Variants in GPRIN1 observed in about 807,000 individuals in gnomAD.
GPRIN1 encodes the protein G protein regulated inducer of neurite outgrowth 1, also known as G protein-regulated inducer of neurite outgrowth 1.
GPRIN1 carries 4 observed loss-of-function variants against 2.8 expected under a neutral mutation model. The observed-to-expected ratio is 1.45, with a 90% CI of 0.71 to 3.32. The LOEUF (loss-of-function observed/expected upper bound fraction) is 3.32, where lower values mean the gene tolerates loss of function less well. GPRIN1 is among the 30% of genes most tolerant of loss of function. GPRIN1 has a pLI of 0.01. For missense variants in GPRIN1, 1,322 were observed against 1,343.4 expected, an observed-to-expected ratio of 0.98 and a Z score of 0.25; for synonymous variants, 589 against 589.9, an observed-to-expected ratio of 1.00 and a Z score of 0.02.
In GPRIN1 at chr5:176,597,402, G is replaced by A. The variant is rs1268315643; in HGVS notation, c.2433C>T (p.Asp811=). ...CCTGCGCGCCCGCCTGAGTGCCCGC[G>A]TCCTCGCGCGGCGGCGGCGGGGCGC... is the stretch of plus-strand genomic sequence containing the variant. The part of the protein sequence containing the change: ...EASAPPPPRE[D]AGTQAGAQAC... The change falls in exon 2 of 2, where the codon GAC becomes GAT. Residue 811 remains aspartate, a synonymous_variant. Coordinates refer to ENST00000303991, the MANE Select transcript of GPRIN1 (RefSeq NM_052899.3). The surrounding 1 kb of genome is among the most constrained non-coding windows in gnomAD (Gnocchi z 6.1). The A allele has an allele frequency of 2.3e-6, 3 of 1,290,538 alleles. No individual in the cohort carries two copies. Among genetic ancestry groups the A allele is most frequent in the Non-Finnish European group, 2.0e-6 (2 of 1,023,716 alleles). The allele number at this position is 1,290,538 out of a possible 1,614,324, so 79.9% of individuals were successfully genotyped here. A position where few individuals can be genotyped will look rare whatever the true frequency, so the allele number is the denominator to read the frequency against.
At chr5:176,608,968 C>A (rs138550834) in intron 1 of GPRIN1, among the ~76,000 whole-genome samples, 1,556 of 152,300 alleles carry the variant, frequency 0.01, 6 homozygotes, top group South Asian at 0.018. Context: ...CTCAGAGCAG[C>A]GAAGTCTCCT....
intron 1 of GPRIN1, among the ~76,000 whole-genome samples, chr5:176,600,547 G>A (rs1759129957): frequency 6.6e-6 from 1 of 152,240 alleles, no homozygotes; most frequent in South Asian, 2.1e-4. Flanking sequence ...GGTAATTTAA[G>A]TGAGGGAAGT....
rs1372335764 is a variant in GPRIN1, at chr5:176,598,280, C to T, written c.1555G>A (p.Gly519Arg). The T allele has an allele frequency of 1.9e-5, 30 of 1,613,580 alleles. No individual in the cohort carries two copies. Among genetic ancestry groups the T allele is most frequent in the Non-Finnish European group, 2.4e-5 (28 of 1,179,918 alleles). Residue 519 changes from glycine to arginine, a missense_variant, in exon 2 of 2, where the codon GGA (glycine) becomes AGA (arginine). By Grantham distance (125) the Gly-to-Arg change is moderately radical. Coordinates refer to ENST00000303991, the MANE Select transcript of GPRIN1 (RefSeq NM_052899.3). ...VKAEPATGGKGDPLSSEKAGL... is the reference protein window; with the variant it reads ...VKAEPATGGKRDPLSSEKAGL... ...GCCTTCTCCGAGGACAGGGGATCTCCTTTTCCCCCCGTCGCTGGCTCAGCC... is the reference window on the plus strand; with the variant it reads ...GCCTTCTCCGAGGACAGGGGATCTCTTTTTCCCCCCGTCGCTGGCTCAGCC...
At position 176,599,175 on chromosome 5, in the gene GPRIN1, C is replaced by T. The variant is rs745956577; in HGVS notation, c.660G>A (p.Leu220=). The change falls in exon 2 of 2, where the codon TTG becomes TTA. Residue 220 remains leucine, a synonymous_variant. Transcript: ENST00000303991. Reference sequence around the variant, plus strand: ...ACACTGTATACGTCTTGCTGGAGCACAAAGGATCTACTTTTCCCAGGGATC... The same window carrying T: ...ACACTGTATACGTCTTGCTGGAGCATAAAGGATCTACTTTTCCCAGGGATC... The part of the protein sequence containing the change: ...DLGSLGKVDP[L]CSSKTYTVSP... The T allele has an allele frequency of 3.7e-6, 6 of 1,613,854 alleles. No homozygotes were observed. In the Admixed American group the frequency reaches 6.7e-5, roughly 18 times the overall value.
At position 176,596,994 on chromosome 5, in the gene GPRIN1, C is replaced by A; in HGVS notation, c.2841G>T (p.Glu947Asp). 7.0e-7 allele frequency: 1 copy of A among 1,421,778 alleles called. No individual in the cohort carries two copies. Among genetic ancestry groups the A allele is most frequent in the Non-Finnish European group, 9.3e-7 (1 of 1,080,736 alleles). The allele number at this position is 1,421,778 out of a possible 1,614,324, so 88.1% of individuals were successfully genotyped here. Residue 947 changes from glutamate (E) to aspartate (D), a missense_variant, in exon 2 of 2, where the codon GAG becomes GAT. Glu to Asp is a conservative substitution (Grantham distance 45). Coordinates refer to ENST00000303991, the MANE Select transcript of GPRIN1 (RefSeq NM_052899.3). This position sits in a 1 kb window ranked among gnomAD's most constrained non-coding sequence, Gnocchi z 5.2. Reference sequence around the variant, plus strand: ...CGGGCGCCCCTTGGCGGCCGTGCTCCTCGATCTGTCGCTCCAGATGCTTCT... The same window carrying A: ...CGGGCGCCCCTTGGCGGCCGTGCTCATCGATCTGTCGCTCCAGATGCTTCT... ...AIQKHLERQIEEHGRQGAPAP... is the reference protein window; with the variant it reads ...AIQKHLERQIDEHGRQGAPAP...
Position 176,602,274 on chromosome 5 carries a change from GCT to G in GPRIN1, c.-43-2399_-43-2398del, listed in dbSNP as rs1759159305. 6.6e-6 allele frequency among the ~76,000 whole-genome samples: 1 copy of G among 152,158 alleles called. No homozygotes were observed. The highest frequency in any genetic ancestry group is 1.5e-5 in the Non-Finnish European group (1 of 68,034). Reference sequence around the variant, plus strand: ...GCAATGTAAAACAGCCTCCTCCCCAGCTCTGGCTGGCATTCTCCACCCTCTTA... The same window carrying G: ...GCAATGTAAAACAGCCTCCTCCCCAGCTGGCTGGCATTCTCCACCCTCTTA... On this transcript the variant is annotated intron_variant, in intron 1 of 1. Transcript: ENST00000303991. The surrounding 1 kb of genome is among the most constrained non-coding windows in gnomAD (Gnocchi z 4.4).
rs543856128 is a variant in GPRIN1 at position 176,608,839 on chromosome 5, C to T, written c.-44+1160G>A. 1.1e-4 allele frequency among the ~76,000 whole-genome samples: 17 copies of T among 152,350 alleles called. No homozygotes were observed. The South Asian group carries it at 3.3e-3, about 30-fold the overall frequency. ...TAAACAGGGCCAGAACTGCCAAGCA[C>T]CTGCAAATACCTCTTCTGTGCTGAC... On this transcript the variant is annotated intron_variant, in intron 1 of 1. Transcript: ENST00000303991.
intron 1 of GPRIN1, among the ~76,000 whole-genome samples, chr5:176,600,086 A>G (rs1226342985): frequency 6.6e-6 from 1 of 152,074 alleles, no homozygotes; most frequent in Non-Finnish European, 1.5e-5. Flanking sequence ...AAGGCATTCA[A>G]CGCCCTTCAC....
rs745720208 is a variant in GPRIN1, at chr5:176,599,423, C to T, written c.412G>A (p.Glu138Lys). 6 of 1,614,246 alleles carry T rather than the reference C, an allele frequency of 3.7e-6. No homozygotes were observed. In the South Asian group the frequency reaches 5.5e-5, roughly 15 times the overall value. ...TTTCTGTCATCTGAGGATTTGGGCT[C>T]AGTTTTCACGGAGGACACAGGCTCT... ...KPEPVSSVKT[E>K]PKSSDDRNPM... is the part of the protein sequence containing the mutation. The change falls in exon 2 of 2, where the codon GAG (glutamate) becomes AAG (lysine). Residue 138 changes from glutamate (E) to lysine (K), a missense_variant. Glu to Lys is a moderately conservative substitution (Grantham distance 56). This residue lies in a region of GPRIN1 where 1,117 missense variants were observed against 1,128.6 expected (regional missense o/e 0.99). Transcript: ENST00000303991.
At chr5:176,606,178 C>T (rs1759217918) in intron 1 of GPRIN1, among the ~76,000 whole-genome samples, 1 of 152,156 alleles carries the variant, frequency 6.6e-6, no homozygotes, top group African/African-American at 2.4e-5. Flanking sequence ...CCACCTCCTG[C>T]TCCCCCAGGG....
Position 176,597,786 on chromosome 5 carries a change from TGAGGCAAGGG to T in GPRIN1, c.2039_2048del (p.Pro680GlnfsTer31). On this transcript the variant is annotated frameshift_variant, in exon 2 of 2. Transcript: ENST00000303991. LOFTEE classifies it low-confidence loss of function (END_TRUNC). The surrounding 1 kb of genome is among the most constrained non-coding windows in gnomAD (Gnocchi z 6.1). ...CCAGGGACACAGGCTCTCCCTTCCC[TGAGGCAAGGG>T]GCTCTGCTTTTCTGCAGGATCCAGG... The T allele has an allele frequency of 6.2e-7, 1 of 1,604,390 alleles. No individual in the cohort carries two copies. Among genetic ancestry groups the T allele is most frequent in the South Asian group, 1.1e-5 (1 of 90,224 alleles).
intron 1 of GPRIN1, among the ~76,000 whole-genome samples, chr5:176,601,560 A>T (rs922507234): frequency 6.6e-6 from 1 of 152,098 alleles, no homozygotes; most frequent in Admixed American, 6.5e-5. Flanking sequence ...GAGATGTAGG[A>T]AAGAGGGAGA....
chr5:176,599,504 C>T lies in GPRIN1; in HGVS notation c.331G>A (p.Glu111Lys), dbSNP rs1759113826. 9.3e-6 allele frequency: 15 copies of T among 1,610,338 alleles called. No individual in the cohort carries two copies. The highest frequency in any genetic ancestry group is 1.2e-5 in the Non-Finnish European group (14 of 1,177,728). Reference sequence around the variant, plus strand: ...CCTGAGATGGAGGCTCCATGTGCCTCCAATGTCTCCTTGGAGGGTGACTCC... The same window carrying T: ...CCTGAGATGGAGGCTCCATGTGCCTTCAATGTCTCCTTGGAGGGTGACTCC... Reference protein sequence around the residue: ...PQESPSKETLEAHGASISGTP... With the variant: ...PQESPSKETLKAHGASISGTP... The change falls in exon 2 of 2, where the codon GAG (glutamate) becomes AAG (lysine). Residue 111 changes from glutamate (E) to lysine (K), a missense_variant. By Grantham distance (56) the Glu-to-Lys change is moderately conservative. Around this residue, in one of 3 missense-constraint regions of GPRIN1, gnomAD observed 1,117 missense variants for 1,128.6 expected, o/e 0.99. Coordinates refer to ENST00000303991, the MANE Select transcript of GPRIN1 (RefSeq NM_052899.3).
rs574379935 is a variant in GPRIN1 at position 176,598,583 on chromosome 5, G to A, written c.1252C>T (p.Pro418Ser). ...GGGTCCATCTTTCCCAGAGAAACTG[G>A]ATCCACCTTGCCTGAAGACATGGGA... is the stretch of plus-strand genomic sequence containing the variant. Reference protein sequence around the residue: ...VDPMSSGKVDPVSLGKMDPMC... With the variant: ...VDPMSSGKVDSVSLGKMDPMC... The change falls in exon 2 of 2, where the codon CCA becomes TCA. Residue 418 changes from proline (P) to serine (S), a missense_variant. Physicochemically the swap from Pro to Ser is moderately conservative, Grantham distance 74. Transcript: ENST00000303991. 129 of 1,614,002 alleles carry A rather than the reference G, an allele frequency of 8.0e-5. No homozygotes were observed. The highest frequency in any genetic ancestry group is 1.1e-4 in the Non-Finnish European group (126 of 1,180,040).
At position 176,597,462 on chromosome 5, in the gene GPRIN1, G is replaced by A. The variant is rs1432803140; in HGVS notation, c.2373C>T (p.Arg791=). 7.6e-7 allele frequency: 1 copy of A among 1,321,126 alleles called. No individual in the cohort carries two copies. Among genetic ancestry groups the A allele is most frequent in the East Asian group, 3.1e-5 (1 of 32,392 alleles). 81.8% of individuals were successfully genotyped at this position (1,321,126 alleles called of 1,614,324 possible). The change falls in exon 2 of 2, where the codon CGC becomes CGT. Residue 791 remains arginine (R), a synonymous_variant. Transcript: ENST00000303991. This position sits in a 1 kb window ranked among gnomAD's most constrained non-coding sequence, Gnocchi z 6.1. ...AAAPPPGPRT[R]DNFTKAPSWE... is the part of the protein sequence containing the mutation. ...ACGACGGCGCCTTGGTGAAGTTGTC[G>A]CGAGTCCGCGGCCCCGGCGGGGGCG...
At chr5:176,607,704 A>G (rs1185340963) in intron 1 of GPRIN1, among the ~76,000 whole-genome samples, 2 of 151,812 alleles carry the variant, frequency 1.3e-5, no homozygotes, top group African/African-American at 4.8e-5. Flanking sequence ...TTATCATCCC[A>G]TTTCACAGAT....
chr5:176,604,206 G>A (rs1295008662), intron 1 of GPRIN1, among the ~76,000 whole-genome samples: 4 of 152,226 alleles, frequency 2.6e-5, no homozygotes, highest in African/African-American at 9.6e-5. Context: ...AGACAAAGGA[G>A]TGGGCAGCTG....
In GPRIN1 at chr5:176,597,837, G is replaced by A. The variant is rs1759074043; in HGVS notation, c.1998C>T (p.Ala666=). ...AGGATCCAGGATCCACCTTCTCTGA[G>A]GCCTGTGGTGTCTCCTTTTTCAAAC... is the stretch of plus-strand genomic sequence containing the variant. ...AVCLKKETPQ[A]SEKVDPGSCR... Residue 666 remains alanine (A), a synonymous_variant, in exon 2 of 2, where the codon GCC becomes GCT. Transcript: ENST00000303991. The surrounding 1 kb of genome is among the most constrained non-coding windows in gnomAD (Gnocchi z 6.1). 1.9e-6 allele frequency: 3 copies of A among 1,613,086 alleles called. No homozygotes were observed. Among genetic ancestry groups the A allele is most frequent in the Non-Finnish European group, 2.5e-6 (3 of 1,179,660 alleles).
At chr5:176,601,479 A>G (rs1032887605) in intron 1 of GPRIN1, among the ~76,000 whole-genome samples, 1 of 152,216 alleles carries the variant, frequency 6.6e-6, no homozygotes, top group Non-Finnish European at 1.5e-5. Context: ...AACAGGCTGT[A>G]CTGGTAATGG....
Sources: allele counts gnomAD v4.1 joint callset (sites outside exome capture counted in the v4.1 genomes callset), GRCh38; gene constraint gnomAD v4.1.1; regional missense constraint gnomAD v4.1.1; non-coding constraint Gnocchi (gnomAD v3.1); transcripts MANE v1.5; gene names NCBI Gene and HGNC (gene_info 2026-07-23, HGNC 2026-07-21).